The following FREM1 variants were observed in gnomAD, a reference collection of about 807,000 sequenced individuals.
The protein encoded by FREM1 is FRAS1 related extracellular matrix 1, also known as FRAS1-related extracellular matrix protein 1.
In FREM1, 220 loss-of-function variants were observed where a neutral mutation model predicts 210.1. The ratio of observed to expected loss-of-function variants is 1.05; its 90% CI spans 0.94 to 1.17. The LOEUF is 1.17. Among genes scored for constraint, FREM1 ranks in the 50% most tolerant of loss-of-function variants. FREM1 has a pLI of 0.00. For missense variants in FREM1, 3,454 were observed against 2,675.5 expected (o/e 1.29, Z -6.42); for synonymous variants, 1,189 against 980.2 (o/e 1.21, Z -3.98).
At chr9:14,750,033 G>C in intron 30 of FREM1, 94 bp downstream of exon 30, 1 of 1,262,614 alleles carries the variant, frequency 7.9e-7, no homozygotes, top group Non-Finnish European at 1.1e-6. Flanking sequence ...TAAGCATTTT[G>C]ATTTGAAGGT....
At chr9:14,882,489 C>T (rs1029602053) in intron 1 of FREM1, among the ~76,000 whole-genome samples, 7 of 130,100 alleles carry the variant, frequency 5.4e-5, no homozygotes, top group African/African-American at 1.5e-4. Context: ...GAGATGGATT[C>T]TTGTTCTGTC....
At chr9:14,768,297 G>A (rs1378194320) in intron 27 of FREM1, among the ~76,000 whole-genome samples, 1 of 143,206 alleles carries the variant, frequency 7.0e-6, no homozygotes, top group Non-Finnish European at 1.5e-5. Flanking sequence ...TGAAGTCCAC[G>A]TATTAACATT....
intron 16 of FREM1, among the ~76,000 whole-genome samples, chr9:14,810,605 G>A (rs201707673): frequency 6.6e-6 from 1 of 152,044 alleles, no homozygotes; most frequent in East Asian, 1.9e-4. Context: ...ATGTTAATTG[G>A]GGAATAGCAA....
chr9:14,794,448 C>T (rs1330268628), intron 21 of FREM1, among the ~76,000 whole-genome samples: 1 of 152,180 alleles, frequency 6.6e-6, no homozygotes, highest in Non-Finnish European at 1.5e-5. Context: ...CATGAAAGCC[C>T]TGAGGCAGAA....
chr9:14,842,325 C>G lies in FREM1; in HGVS notation c.1729G>C (p.Gly577Arg). 1 of 1,579,688 alleles carries G rather than the reference C, an allele frequency of 6.3e-7. No homozygotes were observed. The highest frequency in any genetic ancestry group is 8.6e-7 in the Non-Finnish European group (1 of 1,161,108). ...ACTGCCCAGAACTTACCTATCAGTC[C>G]TGGCCCTGGCTTCTTCATGATCTCC... Reference protein sequence around the residue: ...AGEIMKKPGPGLIGYPVHGFL... With the variant: ...AGEIMKKPGPRLIGYPVHGFL... The change falls in exon 9 of 37, where the codon GGA (glycine) becomes CGA (arginine). Residue 577 changes from glycine (G) to arginine (R), a missense_variant. Coordinates refer to ENST00000380880, the MANE Select transcript of FREM1 (RefSeq NM_001379081.2).
chr9:14,906,325 T>C (rs563614646), intron 1 of FREM1, among the ~76,000 whole-genome samples: 2 of 152,328 alleles, frequency 1.3e-5, no homozygotes, highest in East Asian at 3.9e-4. Context: ...TGATTTAACA[T>C]TCCGGCCCTT....
intron 11 of FREM1, 44 bp downstream of exon 11, chr9:14,824,752 T>C: frequency 2.2e-6 from 3 of 1,375,680 alleles, no homozygotes; most frequent in East Asian, 2.4e-5. Flanking sequence ...CTTTCAACTT[T>C]GCAATCCTAG....
intron 28 of FREM1, 136 bp from the exon 29 acceptor site, chr9:14,756,582 T>C (rs531581146): frequency 3.4e-6 from 2 of 584,230 alleles, no homozygotes; most frequent in Admixed American, 3.8e-5. Context: ...TTTAAAAAAA[T>C]TATATAAGCC....
intron 5 of FREM1, among the ~76,000 whole-genome samples, chr9:14,856,277 T>G (rs1828714799): frequency 6.6e-6 from 1 of 152,226 alleles, no homozygotes; most frequent in South Asian, 2.1e-4. Context: ...CCAGGCAATC[T>G]GGGCCCAGCG....
At chr9:14,895,458 A>T (rs369848812) in intron 1 of FREM1, among the ~76,000 whole-genome samples, 8 of 152,294 alleles carry the variant, frequency 5.3e-5, no homozygotes, top group African/African-American at 1.9e-4. Context: ...GCTGCTCAGA[A>T]GAAACAAGAA....
chr9:14,776,834 T>C (rs1848675245), intron 24 of FREM1, among the ~76,000 whole-genome samples: 1 of 152,194 alleles, frequency 6.6e-6, no homozygotes, highest in African/African-American at 2.4e-5. Context: ...CAGAAGATCA[T>C]TAAGTACCAC....
intron 13 of FREM1, among the ~76,000 whole-genome samples, chr9:14,821,766 C>T (rs888880761): frequency 6.6e-6 from 1 of 152,138 alleles, no homozygotes; most frequent in Non-Finnish European, 1.5e-5. Flanking sequence ...CTGGAGAGCA[C>T]GCCCTATGCA....
intron 14 of FREM1, among the ~76,000 whole-genome samples, chr9:14,817,650 G>A (rs1354599099): frequency 3.3e-5 from 5 of 152,206 alleles, no homozygotes; most frequent in Non-Finnish European, 7.4e-5. Flanking sequence ...AATAAAAGTT[G>A]TATTAAAAAA....
intron 1 of FREM1, among the ~76,000 whole-genome samples, chr9:14,874,216 G>C (rs990102951): frequency 2.0e-5 from 3 of 152,058 alleles, no homozygotes; most frequent in African/African-American, 7.2e-5. Flanking sequence ...CAATTCCTGG[G>C]TACCCTTGTT....
chr9:14,816,492 T>TATAGGTCATGAG (rs1404651469), intron 15 of FREM1, among the ~76,000 whole-genome samples: 1 of 151,986 alleles, frequency 6.6e-6, no homozygotes, highest in East Asian at 1.9e-4. Flanking sequence ...GTGGGAGGTT[T>TATAGGTCATGAG]ATAGGTCATG....
intron 35 of FREM1, among the ~76,000 whole-genome samples, chr9:14,742,918 TA>T (rs1841827158): frequency 6.6e-6 from 1 of 152,132 alleles, no homozygotes; most frequent in South Asian, 2.1e-4. Flanking sequence ...GATGAAAAAC[TA>T]AATTCTATCT....
chr9:14,885,473 G>T (rs977886112), intron 1 of FREM1, among the ~76,000 whole-genome samples: 2 of 152,184 alleles, frequency 1.3e-5, no homozygotes, highest in African/African-American at 4.8e-5. Flanking sequence ...AGGCTAGCAT[G>T]CAGTGGTGCG....
At chr9:14,807,385 G>A (rs1392189864) in intron 17 of FREM1, among the ~76,000 whole-genome samples, 1 of 152,072 alleles carries the variant, frequency 6.6e-6, no homozygotes, top group Non-Finnish European at 1.5e-5. Flanking sequence ...CCAGAACACT[G>A]CTTGGGAGGT....
chr9:14,833,762 T>C (rs1824013454), intron 10 of FREM1, among the ~76,000 whole-genome samples: 1 of 152,194 alleles, frequency 6.6e-6, no homozygotes, highest in South Asian at 2.1e-4. Context: ...TGTTTTTCTT[T>C]TTTTGGATGT....
Sources: gnomAD v4.1 joint callset for allele counts (sites outside exome capture counted in the v4.1 genomes callset) on GRCh38, gnomAD v4.1.1 for gene constraint, MANE v1.5 for transcripts, NCBI Gene and HGNC (gene_info 2026-07-23, HGNC 2026-07-21) for gene names.